The following XKR9 variants were observed in gnomAD, a reference collection of about 807,000 sequenced individuals.
The protein encoded by XKR9 is XK related 9.
A neutral mutation model predicts 32.0 loss-of-function variants in XKR9; 32 were observed. The observed-to-expected ratio is 1.00, with a 90% CI of 0.76 to 1.34. The LOEUF is 1.34. Ranked by LOEUF, XKR9 falls within the 40% of genes most tolerant of loss-of-function variation. The probability of loss-of-function intolerance (pLI) is 0.00; values close to 1 mark genes in which losing one functional copy is unlikely to be tolerated. For missense variants in XKR9, 546 were observed against 429.7 expected (o/e 1.27, Z -2.39); for synonymous variants, 168 against 143.4 (o/e 1.17, Z -1.22).
chr8:71,052,501 C>T, the XKR9 span, among the ~76,000 whole-genome samples: 2 of 152,160 alleles, frequency 1.3e-5, no homozygotes, highest in Non-Finnish European at 2.9e-5. Context: ...CATTATTTTC[C>T]TCCAGGGTAA....
the XKR9 span, among the ~76,000 whole-genome samples, chr8:71,039,152 T>C: frequency 6.6e-6 from 1 of 152,122 alleles, no homozygotes. Context: ...GGCTCTGAAA[T>C]TCTGAAACGG....
At position 70,733,847 on chromosome 8, in the gene XKR9, A is replaced by ATC. The variant is rs762161710; in HGVS notation, c.546_547dup (p.Gln183LeufsTer3). On this transcript the variant is annotated frameshift_variant, in exon 5 of 5. Coordinates refer to ENST00000408926, the MANE Select transcript of XKR9 (RefSeq NM_001011720.2). LOFTEE classifies it high-confidence loss of function. ...GCTATTTCTTGGTCAACTGTTGATT[A>ATC]TCAAGTAGCTTTAAGAAAATCCTTG... 2.0e-5 allele frequency: 32 copies of ATC among 1,605,194 alleles called. No individual in the cohort carries two copies. Among genetic ancestry groups the ATC allele is most frequent in the Non-Finnish European group, 2.7e-5 (32 of 1,177,556 alleles).
At chr8:70,710,931 A>G (rs1023414311) in intron 4 of XKR9, among the ~76,000 whole-genome samples, 1 of 152,154 alleles carries the variant, frequency 6.6e-6, no homozygotes, top group African/African-American at 2.4e-5. Flanking sequence ...AAACAAATCA[A>G]GCAAAGAACA....
At chr8:70,776,947 C>CTCTCTATATA in intron 2 of XKR9, among the ~76,000 whole-genome samples, 81 of 54,200 alleles carry the variant, frequency 1.5e-3, no homozygotes, top group African/African-American at 4.5e-3. Flanking sequence ...CTCTCTCTCT[C>CTCTCTATATA]TATATATATA....
chr8:70,717,495 T>G (rs1283532746), intron 4 of XKR9, among the ~76,000 whole-genome samples: 5 of 152,214 alleles, frequency 3.3e-5, no homozygotes, highest in African/African-American at 1.2e-4. Context: ...GGCCTGGGAC[T>G]TGTACCCTCT....
At chr8:70,712,597 G>C (rs1805956047) in intron 4 of XKR9, among the ~76,000 whole-genome samples, 2 of 152,084 alleles carry the variant, frequency 1.3e-5, no homozygotes, top group South Asian at 4.1e-4. Context: ...TGACTTCAAA[G>C]AGTTTGCAAG....
the XKR9 span, among the ~76,000 whole-genome samples, chr8:70,943,575 A>T: frequency 5.9e-5 from 9 of 152,066 alleles, no homozygotes; most frequent in Admixed American, 2.0e-4. Context: ...ATGCCTAAAG[A>T]TTTTTTTCCT....
chr8:71,015,642 A>G, the XKR9 span, among the ~76,000 whole-genome samples: 3 of 152,210 alleles, frequency 2.0e-5, no homozygotes, highest in Admixed American at 6.5e-5. Flanking sequence ...TTGGATAAAC[A>G]CATTTAACTG....
At chr8:70,832,163 C>T in the XKR9 span, among the ~76,000 whole-genome samples, 1 of 152,120 alleles carries the variant, frequency 6.6e-6, no homozygotes, top group East Asian at 1.9e-4. Flanking sequence ...TTGCTCTACT[C>T]TTCTGTGAGC....
At chr8:70,717,163 T>C (rs1429173356) in intron 4 of XKR9, among the ~76,000 whole-genome samples, 3 of 152,134 alleles carry the variant, frequency 2.0e-5, no homozygotes, top group Non-Finnish European at 4.4e-5. Context: ...TGGCCTGGCA[T>C]TGAGTGTCTG....
intron 2 of XKR9, among the ~76,000 whole-genome samples, chr8:70,778,898 A>G (rs952621537): frequency 2.6e-5 from 4 of 152,082 alleles, no homozygotes; most frequent in African/African-American, 4.8e-5. Flanking sequence ...CTGCAAACAG[A>G]GACAATTTGA....
At chr8:70,784,098 A>G (rs1262665703) in intron 2 of XKR9, among the ~76,000 whole-genome samples, 3 of 152,174 alleles carry the variant, frequency 2.0e-5, no homozygotes, top group Non-Finnish European at 4.4e-5. Context: ...TGTTTTGATT[A>G]CTATGGCTTT....
the XKR9 span, among the ~76,000 whole-genome samples, chr8:71,039,069 G>T: frequency 1.3e-5 from 2 of 152,118 alleles, no homozygotes; most frequent in Admixed American, 1.3e-4. Context: ...CTCCCAAAGT[G>T]CTGGGATAAC....
intron 4 of XKR9, among the ~76,000 whole-genome samples, chr8:70,707,692 T>C (rs1672069451): frequency 6.6e-6 from 1 of 151,998 alleles, no homozygotes; most frequent in South Asian, 2.1e-4. Context: ...AGTATATCCA[T>C]TGGGTAAATT....
chr8:70,700,333 A>G (rs964041406), intron 3 of XKR9, among the ~76,000 whole-genome samples: 1 of 151,728 alleles, frequency 6.6e-6, no homozygotes, highest in Non-Finnish European at 1.5e-5. Flanking sequence ...TTGGTCTTTG[A>G]TGATGGTGAT....
At chr8:71,018,072 A>T in the XKR9 span, among the ~76,000 whole-genome samples, 658 of 152,304 alleles carry the variant, frequency 4.3e-3, 7 homozygotes, top group South Asian at 8.7e-3. Flanking sequence ...ATGTGAATAG[A>T]TAAGTTACCC....
chr8:70,912,898 A>C, the XKR9 span, among the ~76,000 whole-genome samples: 2 of 152,202 alleles, frequency 1.3e-5, no homozygotes, highest in East Asian at 1.9e-4. Flanking sequence ...AAGTAATTAA[A>C]CAGCAAAGAT....
rs181217803 is a variant in XKR9 at position 70,779,548 on chromosome 8, C to A, written n.353-9791C>A. Among the ~76,000 whole-genome samples the A allele has an allele frequency of 2.6e-5, 4 of 152,176 alleles. No individual in the cohort carries two copies. In the East Asian group the frequency reaches 5.8e-4, roughly 22 times the overall value. On this transcript the variant is annotated intron_variant and non_coding_transcript_variant, in intron 2 of 3. Coordinates refer to the XKR9 transcript ENST00000520273. ...GGAATGGTACCAGCTCCTCTTTGTA[C>A]CTCTGGTAGAATTCGGCTGTGAATC...
intron 3 of XKR9, among the ~76,000 whole-genome samples, chr8:70,698,697 A>C (rs1319086048): frequency 2.0e-5 from 3 of 152,164 alleles, no homozygotes; most frequent in African/African-American, 7.2e-5. Context: ...GATGTCTATT[A>C]GGTCCGCTTG....
Sources: gnomAD v4.1 joint callset for allele counts (sites outside exome capture counted in the v4.1 genomes callset) on GRCh38, gnomAD v4.1.1 for gene constraint, MANE v1.5 for transcripts, NCBI Gene and HGNC (gene_info 2026-07-23, HGNC 2026-07-21) for gene names.